DLGAP1: variants seen among roughly 807,000 people sequenced by gnomAD.
The protein encoded by DLGAP1 is disks large-associated protein 1.
DLGAP1 carries 11 observed loss-of-function variants against 90.8 expected under a neutral mutation model. That is an observed-to-expected ratio of 0.12 (90% CI 0.08 to 0.20). The LOEUF (loss-of-function observed/expected upper bound fraction) is 0.20. DLGAP1 is among the 10% of genes least tolerant of loss of function. The pLI is 1.00. For missense variants in DLGAP1, 1,050 were observed against 1,333.8 expected (o/e 0.79, Z 3.31); for synonymous variants, 558 against 540.7 (o/e 1.03, Z -0.44).
intron 2 of DLGAP1, among the ~76,000 whole-genome samples, chr18:4,048,717 T>C (rs1022665410): frequency 1.3e-5 from 2 of 152,222 alleles, no homozygotes. Context: ...CCAGCCATTA[T>C]GAAAAGTCTG....
At chr18:3,622,568 T>A (rs2058135910) in intron 7 of DLGAP1, among the ~76,000 whole-genome samples, 1 of 152,178 alleles carries the variant, frequency 6.6e-6, no homozygotes, top group Non-Finnish European at 1.5e-5. Context: ...ACCCAGCCTG[T>A]GCCTGTGTCC....
chr18:3,743,447 C>T (rs147396595), intron 5 of DLGAP1, among the ~76,000 whole-genome samples: 3,441 of 148,464 alleles, frequency 0.023, 140 homozygotes, highest in African/African-American at 0.081. Flanking sequence ...CTCCACCTCC[C>T]GGGTTCATGC....
chr18:3,583,184 A>ACCTACCTACCTT (rs1555688608), intron 7 of DLGAP1, among the ~76,000 whole-genome samples: 55 of 127,820 alleles, frequency 4.3e-4, no homozygotes, highest in Admixed American at 9.0e-4. Context: ...CTACCTACCT[A>ACCTACCTACCTT]CCTTCCTTCC....
At chr18:3,612,243 T>C (rs556692104) in intron 7 of DLGAP1, among the ~76,000 whole-genome samples, 1 of 152,304 alleles carries the variant, frequency 6.6e-6, no homozygotes, top group Admixed American at 6.5e-5. Flanking sequence ...TAAAAGTGTG[T>C]TACCTAGGGA....
At chr18:4,400,331 A>C (rs188820434) in intron 1 of DLGAP1, among the ~76,000 whole-genome samples, 1 of 152,368 alleles carries the variant, frequency 6.6e-6, no homozygotes, top group Non-Finnish European at 1.5e-5. Flanking sequence ...AAAACATTCA[A>C]GTTTTGACCT....
At chr18:3,873,079 C>T (rs981213596) in intron 4 of DLGAP1, among the ~76,000 whole-genome samples, 2 of 152,184 alleles carry the variant, frequency 1.3e-5, no homozygotes, top group East Asian at 1.9e-4. Context: ...TCCAAGAAGG[C>T]TTTCCTATAT....
At chr18:4,128,264 A>C (rs983356924) in intron 2 of DLGAP1, among the ~76,000 whole-genome samples, 1 of 152,166 alleles carries the variant, frequency 6.6e-6, no homozygotes, top group African/African-American at 2.4e-5. Flanking sequence ...TACTTACATA[A>C]GATTTACATT....
In DLGAP1 at chr18:3,845,707, C is replaced by T. The variant is rs951655884; in HGVS notation, c.958-31434G>A. ...ATGGAAGTCCCCATCAGGGAACGAT[C>T]CTTGCAGCTTGCTAAAAGAAGCATG... On this transcript the variant is annotated intron_variant, in intron 4 of 12. Transcript: ENST00000315677. 7 of 648,934 alleles carry T rather than the reference C, an allele frequency of 1.1e-5. No homozygotes were observed. In the South Asian group the frequency reaches 4.1e-4, roughly 38 times the overall value. 40.2% of individuals were successfully genotyped at this position (648,934 alleles called of 1,614,324 possible).
intron 7 of DLGAP1, among the ~76,000 whole-genome samples, chr18:3,661,568 GGTCT>G (rs2059680535): frequency 7.6e-6 from 1 of 131,416 alleles, no homozygotes; most frequent in South Asian, 2.2e-4. Context: ...GAAGCTGTAA[GGTCT>G]TTTTTTTTTT....
intron 4 of DLGAP1, among the ~76,000 whole-genome samples, chr18:3,845,830 CA>C (rs2068976818): frequency 6.6e-6 from 1 of 152,140 alleles, no homozygotes; most frequent in Admixed American, 6.5e-5. Context: ...AGCTAACAAA[CA>C]GAGAGATTTT....
At chr18:3,618,306 T>C (rs2057955255) in intron 7 of DLGAP1, among the ~76,000 whole-genome samples, 1 of 152,166 alleles carries the variant, frequency 6.6e-6, no homozygotes, top group African/African-American at 2.4e-5. Flanking sequence ...GATAAGGCTA[T>C]TTGGTTTGTT....
chr18:4,231,745 CCT>C (rs915964960), intron 1 of DLGAP1, among the ~76,000 whole-genome samples: 30 of 152,164 alleles, frequency 2.0e-4, no homozygotes, highest in African/African-American at 7.0e-4. Context: ...CTGAGTAAAT[CCT>C]CTTTCCTTCC....
chr18:4,029,852 T>C (rs1238625486), intron 2 of DLGAP1, among the ~76,000 whole-genome samples: 1 of 152,206 alleles, frequency 6.6e-6, no homozygotes, highest in Admixed American at 6.5e-5. Flanking sequence ...ACGATGGCCC[T>C]ATTTAACTTG....
chr18:4,131,837 A>G (rs1195264626), intron 2 of DLGAP1, among the ~76,000 whole-genome samples: 2 of 152,236 alleles, frequency 1.3e-5, no homozygotes, highest in Non-Finnish European at 2.9e-5. Flanking sequence ...AAATGTTAAA[A>G]GAACATTGTC....
Position 4,050,618 on chromosome 18 carries a change from G to A in DLGAP1, c.-158-45417C>T, listed in dbSNP as rs563354136. Among the ~76,000 whole-genome samples the A allele has an allele frequency of 3.9e-5, 6 of 152,326 alleles. No homozygotes were observed. The South Asian group carries it at 1.0e-3, about 26-fold the overall frequency. Reference sequence around the variant, plus strand: ...CAAAATCTTAGGAACGTCAGTTCCAGTTATTGCCATCTATATTTTTAAACA... The same window carrying A: ...CAAAATCTTAGGAACGTCAGTTCCAATTATTGCCATCTATATTTTTAAACA... On this transcript the variant is annotated intron_variant, in intron 2 of 12. Transcript: ENST00000315677.
At chr18:3,793,831 G>A (rs1487963437) in intron 5 of DLGAP1, among the ~76,000 whole-genome samples, 1 of 152,040 alleles carries the variant, frequency 6.6e-6, no homozygotes, top group South Asian at 2.1e-4. Flanking sequence ...GTGGCCTTTC[G>A]TAATCACTTT....
intron 1 of DLGAP1, among the ~76,000 whole-genome samples, chr18:4,341,772 A>G (rs944307275): frequency 6.6e-6 from 1 of 152,204 alleles, no homozygotes; most frequent in Non-Finnish European, 1.5e-5. Context: ...TCAGACATCA[A>G]ACATAAGAGG....
intron 2 of DLGAP1, among the ~76,000 whole-genome samples, chr18:4,148,761 C>T (rs2076626908): frequency 6.9e-6 from 1 of 144,604 alleles, no homozygotes; most frequent in African/African-American, 2.7e-5. Flanking sequence ...TGCAAATGCA[C>T]ATCACTTTAA....
chr18:3,675,921 C>A (rs948086601), intron 7 of DLGAP1, among the ~76,000 whole-genome samples: 3 of 152,130 alleles, frequency 2.0e-5, no homozygotes, highest in African/African-American at 7.2e-5. Context: ...CTCTCATGAG[C>A]CAATATTGAT....
Sources: gnomAD v4.1 joint callset for allele counts (sites outside exome capture counted in the v4.1 genomes callset) on GRCh38, gnomAD v4.1.1 for gene constraint, MANE v1.5 for transcripts, NCBI Gene and HGNC (gene_info 2026-07-23, HGNC 2026-07-21) for gene names.